AIM2: variants seen among roughly 807,000 people sequenced by gnomAD.
AIM2 encodes the protein absent in melanoma 2, also known as interferon-inducible protein AIM2.
AIM2 carries 30 observed loss-of-function variants against 27.7 expected under a neutral mutation model. That is an observed-to-expected ratio of 1.08 (90% CI 0.81 to 1.47). The LOEUF is 1.47. Among genes scored for constraint, AIM2 ranks in the 40% most tolerant of loss-of-function variants. The probability of loss-of-function intolerance (pLI) is 0.00; values close to 1 mark genes in which losing one functional copy is unlikely to be tolerated. For synonymous variants in AIM2, 141 were observed against 145.3 expected, an observed-to-expected ratio of 0.97 and a Z score of 0.21; for missense variants, 358 against 411.3, an observed-to-expected ratio of 0.87 and a Z score of 1.12.
At chr1:159,060,806 G>A (rs1355774234), downstream of AIM2, among the ~76,000 whole-genome samples, 1 of 152,116 alleles carries the variant, frequency 6.6e-6, no homozygotes, top group Non-Finnish European at 1.5e-5. Flanking sequence ...AGGGATAATC[G>A]AGTTTTTTGC....
intron 2 of AIM2, among the ~76,000 whole-genome samples, chr1:159,072,626 C>A (rs12139815): frequency 0.058 from 8,855 of 152,082 alleles, 333 homozygotes; most frequent in Non-Finnish European, 0.086. Flanking sequence ...TAAAAAAAAT[C>A]TTTGTGTTGT....
chr1:159,086,324 G>A (rs1363883399), intron 1 of AIM2, among the ~76,000 whole-genome samples: 3 of 152,214 alleles, frequency 2.0e-5, no homozygotes, highest in East Asian at 1.9e-4. Context: ...CTTTGTCCTC[G>A]TTGTCAGTGT....
chr1:159,127,212 T>C (rs180787394), intron 1 of AIM2, among the ~76,000 whole-genome samples: 1 of 152,252 alleles, frequency 6.6e-6, no homozygotes, highest in Admixed American at 6.5e-5. Context: ...TCCTGAGTGT[T>C]TATTTTATTA....
chr1:159,116,113 C>G (rs1029713688), intron 1 of AIM2, among the ~76,000 whole-genome samples: 1 of 151,642 alleles, frequency 6.6e-6, no homozygotes, highest in African/African-American at 2.4e-5. Context: ...CAGAGAAATG[C>G]AAATCAAAAC....
intron 1 of AIM2, among the ~76,000 whole-genome samples, chr1:159,107,217 C>T (rs948148336): frequency 6.6e-6 from 1 of 152,024 alleles, no homozygotes; most frequent in East Asian, 1.9e-4. Flanking sequence ...CTTGCAGTGA[C>T]CTGATAAGTC....
chr1:159,114,912 A>G (rs1029562545), intron 1 of AIM2, among the ~76,000 whole-genome samples: 2 of 152,222 alleles, frequency 1.3e-5, no homozygotes, highest in African/African-American at 4.8e-5. Flanking sequence ...TGCAGATGAC[A>G]TGATTGTATA....
chr1:159,098,389 A>G (rs925883815), intron 1 of AIM2, among the ~76,000 whole-genome samples: 2 of 151,852 alleles, frequency 1.3e-5, no homozygotes, highest in African/African-American at 4.8e-5. Flanking sequence ...GTATATGACT[A>G]TTTCAGCTCA....
At chr1:159,116,009 A>G (rs536512302) in intron 1 of AIM2, among the ~76,000 whole-genome samples, 2 of 152,362 alleles carry the variant, frequency 1.3e-5, no homozygotes, top group East Asian at 3.8e-4. Context: ...AACCCCATCA[A>G]TAAGTGGACA....
intron 4 of AIM2, among the ~76,000 whole-genome samples, chr1:159,064,967 G>T (rs930735934): frequency 6.6e-6 from 1 of 152,148 alleles, no homozygotes; most frequent in African/African-American, 2.4e-5. Context: ...TATATGAGTG[G>T]ATAGCTGGCC....
intron 1 of AIM2, among the ~76,000 whole-genome samples, chr1:159,095,254 A>G (rs1424801940): frequency 6.6e-6 from 1 of 152,208 alleles, no homozygotes; most frequent in East Asian, 1.9e-4. Flanking sequence ...ATTTAAATCT[A>G]TCCCTTCTCT....
rs1051383779 is a variant in AIM2, at chr1:159,135,334, A to G, written c.-16+5097T>C. Among the ~76,000 whole-genome samples, 4 of 152,198 alleles carry G rather than the reference A, an allele frequency of 2.6e-5. No individual in the cohort carries two copies. The East Asian group carries it at 7.7e-4, about 29-fold the overall frequency. On this transcript the variant is annotated intron_variant, in intron 1 of 2. Coordinates refer to the AIM2 transcript ENST00000368129. ...ATATAGTTCTGTGCTTTTATAATTT[A>G]TGCATGCCAGGATCCCATATGTGGG...
intron 1 of AIM2, among the ~76,000 whole-genome samples, chr1:159,129,080 A>T (rs1647801476): frequency 6.6e-6 from 1 of 152,184 alleles, no homozygotes; most frequent in Admixed American, 6.5e-5. Flanking sequence ...GGATCTTGAG[A>T]TGAGATCATT....
downstream of AIM2, among the ~76,000 whole-genome samples, chr1:159,061,418 A>G (rs184444171): frequency 5.3e-5 from 8 of 152,146 alleles, no homozygotes; most frequent in Admixed American, 2.0e-4. Flanking sequence ...TTTGAGACAG[A>G]GTCTTACTCT....
At chr1:159,121,636 G>A (rs755667684) in intron 1 of AIM2, among the ~76,000 whole-genome samples, 2 of 152,186 alleles carry the variant, frequency 1.3e-5, no homozygotes, top group Non-Finnish European at 2.9e-5. Context: ...CACTCTCTGA[G>A]TGTCCTGTGC....
At chr1:159,112,934 CATAT>C (rs71659252) in intron 1 of AIM2, among the ~76,000 whole-genome samples, 3 of 146,544 alleles carry the variant, frequency 2.0e-5, no homozygotes, top group African/African-American at 7.7e-5. Flanking sequence ...TATATACATA[CATAT>C]ATATATATAT....
chr1:159,133,895 C>A (rs997918019), intron 1 of AIM2, among the ~76,000 whole-genome samples: 2 of 152,114 alleles, frequency 1.3e-5, no homozygotes, highest in African/African-American at 4.8e-5. Flanking sequence ...CACCAACATG[C>A]ATATGACTTC....
chr1:159,073,899 C>T (rs554419412), intron 1 of AIM2, among the ~76,000 whole-genome samples: 3 of 152,206 alleles, frequency 2.0e-5, no homozygotes, highest in African/African-American at 7.2e-5. Context: ...ATTAGCCGAG[C>T]ATGGTGGTGG....
chr1:159,081,580 G>A (rs1358204140), upstream of AIM2: 4 of 466,262 alleles, frequency 8.6e-6, no homozygotes, highest in Non-Finnish European at 1.7e-5. Flanking sequence ...TGATTTTGCA[G>A]TCTGTCACCA....
chr1:159,072,828 T>C (rs1212655809), intron 2 of AIM2, among the ~76,000 whole-genome samples: 1 of 152,218 alleles, frequency 6.6e-6, no homozygotes, highest in Non-Finnish European at 1.5e-5. Context: ...TATCCTGGTT[T>C]ACAGTTTTCC....
Sources: gnomAD v4.1 joint callset for allele counts (sites outside exome capture counted in the v4.1 genomes callset) on GRCh38, gnomAD v4.1.1 for gene constraint, MANE v1.5 for transcripts, NCBI Gene and HGNC (gene_info 2026-07-23, HGNC 2026-07-21) for gene names.